The following KIAA0040 variants were observed in gnomAD, a reference collection of about 807,000 sequenced individuals.
KIAA0040 encodes uncharacterized protein KIAA0040.
Under a neutral mutation model 7.2 loss-of-function variants are expected in KIAA0040, and 10 were observed. The ratio of observed to expected loss-of-function variants is 1.38; its 90% CI spans 0.85 to 2.34. The LOEUF is 2.34. Among genes scored for constraint, KIAA0040 ranks in the 30% most tolerant of loss-of-function variants. The pLI is 0.00. For synonymous variants in KIAA0040, 49 were observed against 40.1 expected (o/e 1.22, Z -0.84); for missense variants, 89 against 108.2 (o/e 0.82, Z 0.79).
At chr1:175,181,454 A>G (rs1203527272) in intron 1 of KIAA0040, among the ~76,000 whole-genome samples, 2 of 152,180 alleles carry the variant, frequency 1.3e-5, no homozygotes, top group Non-Finnish European at 2.9e-5. Flanking sequence ...AGTACCTACT[A>G]TGTGCATGAA....
At chr1:175,165,380 T>C (rs1440711760) in intron 3 of KIAA0040, among the ~76,000 whole-genome samples, 8 of 152,208 alleles carry the variant, frequency 5.3e-5, no homozygotes. Flanking sequence ...AACTGTAAAA[T>C]ACTTACACAA....
chr1:175,173,588 C>T (rs892577512), intron 2 of KIAA0040, among the ~76,000 whole-genome samples: 1 of 152,166 alleles, frequency 6.6e-6, no homozygotes, highest in Non-Finnish European at 1.5e-5. Flanking sequence ...ACTGTAACCA[C>T]CATTCTCAGA....
intron 1 of KIAA0040, among the ~76,000 whole-genome samples, chr1:175,180,124 G>A (rs938312504): frequency 1.3e-5 from 2 of 152,154 alleles, no homozygotes; most frequent in African/African-American, 2.4e-5. Context: ...TTGCCCTGGG[G>A]AAACCTTCCT....
At chr1:175,190,900 T>C (rs1234094123) in intron 1 of KIAA0040, among the ~76,000 whole-genome samples, 1 of 152,188 alleles carries the variant, frequency 6.6e-6, no homozygotes, top group African/African-American at 2.4e-5. Flanking sequence ...CTACCTGCCA[T>C]TGACTTTGCA....
rs1033115460 is a variant in KIAA0040, at chr1:175,181,232, G to A, written c.-383-3548C>T. Among the ~76,000 whole-genome samples the A allele has an allele frequency of 5.3e-5, 8 of 151,862 alleles. No homozygotes were observed. The East Asian group carries it at 1.6e-3, about 30-fold the overall frequency. ...AACTGAGTAGAGTATGTGTGTATTT[G>A]TGGGGGGCGGGGGGCTGGCTCACTA... On this transcript the variant is annotated intron_variant, in intron 1 of 3. Coordinates refer to ENST00000423313, the MANE Select transcript of KIAA0040 (RefSeq NM_014656.3).
chr1:175,180,301 T>C (rs1417029609), intron 1 of KIAA0040, among the ~76,000 whole-genome samples: 1 of 152,218 alleles, frequency 6.6e-6, no homozygotes, highest in Non-Finnish European at 1.5e-5. Flanking sequence ...TATTTTGCCC[T>C]TGGGAAATAT....
rs1558387261 is a variant in KIAA0040 at position 175,160,813 on chromosome 1, C to CTTA, written c.200_201insTAA (p.Lys66_Lys67insAsn). ...CCTTCTTCTTCTTCTTCTTCTTCTTCTTCTTGTTCTTCTCTGGCTGCTGGC... is the reference window on the plus strand; with the variant it reads ...CCTTCTTCTTCTTCTTCTTCTTCTTCTTATTCTTGTTCTTCTCTGGCTGCTGGC... On this transcript the variant is annotated inframe_insertion, in exon 4 of 4. Transcript: ENST00000423313. 1 of 552,546 alleles carries CTTA rather than the reference C, an allele frequency of 1.8e-6. No individual in the cohort carries two copies. 34.2% of individuals were successfully genotyped at this position (552,546 alleles called of 1,614,324 possible).
chr1:175,181,078 C>T (rs114339331), intron 1 of KIAA0040, among the ~76,000 whole-genome samples: 1,798 of 151,916 alleles, frequency 0.012, 49 homozygotes, highest in African/African-American at 0.042. Flanking sequence ...TCTTGAACTC[C>T]TGGCCTGAAG....
intron 2 of KIAA0040, among the ~76,000 whole-genome samples, chr1:175,174,477 C>A (rs574613021): frequency 6.6e-6 from 1 of 152,250 alleles, no homozygotes; most frequent in Non-Finnish European, 1.5e-5. Flanking sequence ...CTTTCTGAGC[C>A]CTTTCCTCAT....
At chr1:175,192,060 A>G (rs1392782859) in intron 1 of KIAA0040, among the ~76,000 whole-genome samples, 1 of 151,930 alleles carries the variant, frequency 6.6e-6, no homozygotes, top group Non-Finnish European at 1.5e-5. Flanking sequence ...CCCCCACTCT[A>G]CCTTCATGGG....
upstream of KIAA0040, chr1:175,192,814 G>A (rs1326405580): frequency 2.0e-5 from 2 of 101,182 alleles, no homozygotes; most frequent in East Asian, 2.8e-4. Flanking sequence ...GGTCGTGGGA[G>A]CCGCCCGCCC....
chr1:175,169,711 C>T (rs181302067), intron 2 of KIAA0040, among the ~76,000 whole-genome samples: 69 of 152,230 alleles, frequency 4.5e-4, no homozygotes, highest in African/African-American at 1.4e-3. Flanking sequence ...TCTTTCAAAG[C>T]GACCATTTCA....
At chr1:175,188,689 G>A (rs553382076) in intron 1 of KIAA0040, among the ~76,000 whole-genome samples, 12 of 152,256 alleles carry the variant, frequency 7.9e-5, no homozygotes, top group Admixed American at 2.0e-4. Context: ...CTCTTCTTGA[G>A]GGGTCTTTGG....
At chr1:175,166,112 G>A (rs983599744) in intron 3 of KIAA0040, among the ~76,000 whole-genome samples, 1 of 152,148 alleles carries the variant, frequency 6.6e-6, no homozygotes, top group Non-Finnish European at 1.5e-5. Context: ...AACCTTAAGA[G>A]ACCCCTCTTC....
chr1:175,176,053 G>C (rs1287111122), intron 2 of KIAA0040, among the ~76,000 whole-genome samples: 2 of 152,138 alleles, frequency 1.3e-5, no homozygotes, highest in African/African-American at 4.8e-5. Context: ...AATAAAACTT[G>C]CATAATTCTC....
In KIAA0040 at chr1:175,163,822, G is replaced by T. The variant is rs59419646; in HGVS notation, c.-133-2676C>A. Among the ~76,000 whole-genome samples, 694 of 152,314 alleles carry T rather than the reference G, an allele frequency of 4.6e-3. 5 individuals carry two copies. The highest frequency in any genetic ancestry group is 0.016 in the African/African-American group (666 of 41,554). On this transcript the variant is annotated intron_variant, in intron 3 of 3. Coordinates refer to ENST00000423313, the MANE Select transcript of KIAA0040 (RefSeq NM_014656.3). Reference sequence around the variant, plus strand: ...TGCCAGGGGTTATGCTGTTCCTACAGGGAGCAGATGGGTAACAGGGGCCCC... The same window carrying T: ...TGCCAGGGGTTATGCTGTTCCTACATGGAGCAGATGGGTAACAGGGGCCCC...
chr1:175,178,606 G>C (rs1677302676), intron 1 of KIAA0040, among the ~76,000 whole-genome samples: 1 of 152,182 alleles, frequency 6.6e-6, no homozygotes, highest in Non-Finnish European at 1.5e-5. Flanking sequence ...GGAAAAAGAA[G>C]TGTACCAACT....
Position 175,160,593 on chromosome 1 carries a change from G to T in KIAA0040, c.*121C>A. On this transcript the variant is annotated 3_prime_UTR_variant, in exon 4 of 4. Transcript: ENST00000423313. Reference sequence around the variant, plus strand: ...ACACTTAGTCTGAGGTTTGTTCCTTGGTTGAGTAGTTACTCTGTGGACATG... The same window carrying T: ...ACACTTAGTCTGAGGTTTGTTCCTTTGTTGAGTAGTTACTCTGTGGACATG... 2 of 987,110 alleles carry T rather than the reference G, an allele frequency of 2.0e-6. No individual in the cohort carries two copies. Among genetic ancestry groups the T allele is most frequent in the Non-Finnish European group, 2.9e-6 (2 of 689,356 alleles). The allele number at this position is 987,110 out of a possible 1,614,324, so 61.1% of individuals were successfully genotyped here. A position where few individuals can be genotyped will look rare whatever the true frequency, so the allele number is the denominator to read the frequency against.
At chr1:175,172,669 T>C (rs1297103682) in intron 2 of KIAA0040, among the ~76,000 whole-genome samples, 2 of 152,234 alleles carry the variant, frequency 1.3e-5, no homozygotes, top group African/African-American at 4.8e-5. Context: ...TATTCTTCTG[T>C]AAACAAAGAT....
Sources: allele counts gnomAD v4.1 joint callset (sites outside exome capture counted in the v4.1 genomes callset), GRCh38; gene constraint gnomAD v4.1.1; transcripts MANE v1.5; gene names NCBI Gene and HGNC (gene_info 2026-07-23, HGNC 2026-07-21).